SMYD1: variants seen among roughly 807,000 people sequenced by gnomAD.
SMYD1 encodes the protein histone-lysine N-methyltransferase SMYD1.
SMYD1 carries 49 observed loss-of-function variants against 54.0 expected under a neutral mutation model. That is an observed-to-expected ratio of 0.91 (90% CI 0.72 to 1.15). The LOEUF is 1.15. Ranked by LOEUF, SMYD1 falls within the 50% of genes most tolerant of loss-of-function variation. The pLI, the probability that SMYD1 is intolerant of heterozygous loss-of-function variation, is 0.00. For missense variants in SMYD1, 653 were observed against 639.6 expected, an observed-to-expected ratio of 1.02 and a Z score of -0.23; for synonymous variants, 269 against 234.2, an observed-to-expected ratio of 1.15 and a Z score of -1.36.
At chr2:88,101,853 G>T (rs138703374) in intron 6 of SMYD1, among the ~76,000 whole-genome samples, 2 of 152,154 alleles carry the variant, frequency 1.3e-5, no homozygotes, top group East Asian at 3.9e-4. Flanking sequence ...TAATCTGCCC[G>T]CCTGGGCCTC....
rs914420433 is a variant in SMYD1, at chr2:88,071,947, G to A, written c.137+3946G>A. 9.3e-5 allele frequency among the ~76,000 whole-genome samples: 14 copies of A among 151,138 alleles called. No individual in the cohort carries two copies. In the East Asian group the frequency reaches 1.8e-3, roughly 19 times the overall value. On this transcript the variant is annotated intron_variant, in intron 1 of 9. Transcript: ENST00000419482. ...TCAAACTGGGAATTCGCAATGCTGG[G>A]TTTTGTTGTTGTTGTTAAGGAAGAA...
At chr2:88,080,683 C>T (rs528162604) in intron 1 of SMYD1, among the ~76,000 whole-genome samples, 1 of 152,260 alleles carries the variant, frequency 6.6e-6, no homozygotes, top group South Asian at 2.1e-4. Context: ...TGGACATCTG[C>T]TCTTCCTTCC....
intron 1 of SMYD1, chr2:88,082,973 G>A (rs774704272): frequency 3.9e-5 from 6 of 152,158 alleles, no homozygotes; most frequent in Non-Finnish European, 7.3e-5. Flanking sequence ...CCTTTTCACT[G>A]TGGGAATTAG....
At chr2:88,090,640 C>T (rs1180783200) in intron 3 of SMYD1, among the ~76,000 whole-genome samples, 1 of 152,170 alleles carries the variant, frequency 6.6e-6, no homozygotes, top group Non-Finnish European at 1.5e-5. Flanking sequence ...AGCTCACACA[C>T]ACACACACGC....
Position 88,112,277 on chromosome 2 carries a change from G to A in SMYD1, c.*1765G>A, listed in dbSNP as rs930774663. On this transcript the variant is annotated 3_prime_UTR_variant, in exon 10 of 10. Coordinates refer to ENST00000419482, the MANE Select transcript of SMYD1 (RefSeq NM_198274.4). The stretch of plus-strand genomic sequence containing the variant: ...TGTCATTGTTATCTGCTAAGCCCCT[G>A]GTCATTTCCCCATATTCGTAGTCTT... The A allele has an allele frequency of 1.6e-6, 1 of 633,954 alleles. No individual in the cohort carries two copies. The highest frequency in any genetic ancestry group is 1.8e-5 in the African/African-American group (1 of 54,492). The allele number at this position is 633,954 out of a possible 1,614,324, so 39.3% of individuals were successfully genotyped here. A position where few individuals can be genotyped will look rare whatever the true frequency, so the allele number is the denominator to read the frequency against.
intron 2 of SMYD1, among the ~76,000 whole-genome samples, chr2:88,085,567 C>T (rs922938679): frequency 6.6e-6 from 1 of 152,148 alleles, no homozygotes; most frequent in Admixed American, 6.5e-5. Context: ...CTCAGTCAAC[C>T]TCTCCATGCC....
At chr2:88,069,529 C>A (rs1399901866) in intron 1 of SMYD1, among the ~76,000 whole-genome samples, 3 of 152,206 alleles carry the variant, frequency 2.0e-5, no homozygotes, top group African/African-American at 4.8e-5. Context: ...GGACTGTCAA[C>A]ACTAATTCTG....
intron 8 of SMYD1, 75 bp downstream of exon 8, chr2:88,106,563 T>C: frequency 2.0e-6 from 3 of 1,493,266 alleles, no homozygotes; most frequent in Non-Finnish European, 2.8e-6. Flanking sequence ...AGATGGCACA[T>C]TTACTGGTGC....
intron 2 of SMYD1, among the ~76,000 whole-genome samples, chr2:88,086,577 G>T (rs1266946630): frequency 6.6e-6 from 1 of 152,124 alleles, no homozygotes; most frequent in Non-Finnish European, 1.5e-5. Context: ...GCCAGGCCAG[G>T]CCCCTCCCTG....
Position 88,106,491 on chromosome 2 carries a change from A to G in SMYD1, c.1145+3A>G. The G allele has an allele frequency of 6.2e-7, 1 of 1,611,454 alleles. No homozygotes were observed. Among genetic ancestry groups the G allele is most frequent in the Middle Eastern group, 1.7e-4 (1 of 6,054 alleles). On this transcript the variant is annotated splice_donor_region_variant and intron_variant, in intron 8 of 9. Coordinates refer to ENST00000419482, the MANE Select transcript of SMYD1 (RefSeq NM_198274.4). ...AGGAGGATGGTGGACGGCTATATGT[A>G]GGTGACGATTCTAGGTCTCAGATAG...
intron 6 of SMYD1, among the ~76,000 whole-genome samples, chr2:88,099,112 G>A (rs1168108207): frequency 6.6e-6 from 1 of 151,870 alleles, no homozygotes; most frequent in Non-Finnish European, 1.5e-5. Flanking sequence ...TTTGAGACGA[G>A]GTTTCACTCT....
At position 88,087,835 on chromosome 2, in the gene SMYD1, G is replaced by A. The variant is rs201669603; in HGVS notation, c.315-27G>A. The A allele has an allele frequency of 5.9e-6, 9 of 1,522,588 alleles. No homozygotes were observed. In the East Asian group the frequency reaches 2.1e-4, roughly 36 times the overall value. 94.3% of individuals were successfully genotyped at this position (1,522,588 alleles called of 1,614,324 possible). A position where few individuals can be genotyped will look rare whatever the true frequency, so the allele number is the denominator to read the frequency against. On this transcript the variant is annotated intron_variant, in intron 2 of 9. Transcript: ENST00000419482. The stretch of plus-strand genomic sequence containing the variant: ...TTGAAGGAATGAATGCAGCTGTAGT[G>A]GCCTCCTGACGCTGCCCTTCCCACA...
At chr2:88,088,194 C>A in intron 3 of SMYD1, 119 bp downstream of exon 3, 1 of 1,131,424 alleles carries the variant, frequency 8.8e-7, no homozygotes, top group Non-Finnish European at 1.2e-6. Context: ...CCCTGTCTGC[C>A]CTGGACCCTG....
intron 5 of SMYD1, among the ~76,000 whole-genome samples, chr2:88,095,006 C>T (rs1674547166): frequency 6.6e-6 from 1 of 152,144 alleles, no homozygotes; most frequent in Non-Finnish European, 1.5e-5. Context: ...AGCAACCAGG[C>T]AAGGCTACTA....
intron 1 of SMYD1, among the ~76,000 whole-genome samples, chr2:88,081,350 A>G (rs1162563569): frequency 6.6e-6 from 1 of 152,150 alleles, no homozygotes; most frequent in Non-Finnish European, 1.5e-5. Context: ...GTCTAGACAA[A>G]CAGAGTGGAA....
Position 88,073,647 on chromosome 2 carries a change from C to T in SMYD1, c.137+5646C>T, listed in dbSNP as rs117298124. 3.0e-3 allele frequency among the ~76,000 whole-genome samples: 464 copies of T among 152,232 alleles called. 19 individuals carry two copies. In the East Asian group the frequency reaches 0.081, roughly 27 times the overall value. ...TTGAATTCAAAATACGTTTTTAAGG[C>T]TTTTGATATAGATTTCCAAATTACC... On this transcript the variant is annotated intron_variant, in intron 1 of 9. Coordinates refer to ENST00000419482, the MANE Select transcript of SMYD1 (RefSeq NM_198274.4).
chr2:88,110,216 T>TGTGA (rs1354941367), intron 9 of SMYD1, 138 bp from the exon 10 acceptor site: 1 of 813,750 alleles, frequency 1.2e-6, no homozygotes, highest in South Asian at 1.8e-5. Flanking sequence ...TGTGTGTGTG[T>TGTGA]GTGTGTGTGT....
chr2:88,108,156 G>A (rs531760065), intron 8 of SMYD1, among the ~76,000 whole-genome samples: 6 of 152,302 alleles, frequency 3.9e-5, no homozygotes, highest in Admixed American at 6.5e-5. Flanking sequence ...AGCCCAGGCC[G>A]GAGTTTCAGC....
At chr2:88,083,592 A>G (rs1265455776) in intron 1 of SMYD1, among the ~76,000 whole-genome samples, 2 of 152,176 alleles carry the variant, frequency 1.3e-5, no homozygotes, top group Admixed American at 1.3e-4. Context: ...ACAAACTGTG[A>G]CATATATCAT....
Sources: gnomAD v4.1 joint callset for allele counts (sites outside exome capture counted in the v4.1 genomes callset) on GRCh38, gnomAD v4.1.1 for gene constraint, MANE v1.5 for transcripts, NCBI Gene and HGNC (gene_info 2026-07-23, HGNC 2026-07-21) for gene names.